SH3GL2: variants seen among roughly 807,000 people sequenced by gnomAD.
SH3GL2 encodes SH3 domain containing GRB2 like 2, endophilin A1.
In SH3GL2, 24 loss-of-function variants were observed where a neutral mutation model predicts 46.0. That is an observed-to-expected ratio of 0.52 (90% CI 0.38 to 0.73). The LOEUF (loss-of-function observed/expected upper bound fraction) is 0.73. SH3GL2 is among the 30% of genes least tolerant of loss of function. The pLI, the probability that SH3GL2 is intolerant of heterozygous loss-of-function variation, is 0.00. For synonymous variants in SH3GL2, 196 were observed against 147.1 expected, an observed-to-expected ratio of 1.33 and a Z score of -2.40; for missense variants, 413 against 424.2, an observed-to-expected ratio of 0.97 and a Z score of 0.23.
At chr9:17,655,678 A>G (rs540616153) in intron 1 of SH3GL2, among the ~76,000 whole-genome samples, 2 of 152,252 alleles carry the variant, frequency 1.3e-5, no homozygotes, top group Admixed American at 6.5e-5. Flanking sequence ...TATTTTTCAC[A>G]TTTTCTGATG....
intron 1 of SH3GL2, among the ~76,000 whole-genome samples, chr9:17,668,502 T>C (rs183584347): frequency 1.3e-5 from 2 of 152,326 alleles, no homozygotes. Flanking sequence ...AGTTTGAATA[T>C]TTGTGTAGCT....
intron 1 of SH3GL2, among the ~76,000 whole-genome samples, chr9:17,582,893 C>G (rs1346158883): frequency 6.6e-6 from 1 of 152,186 alleles, no homozygotes; most frequent in Non-Finnish European, 1.5e-5. Flanking sequence ...TTCATGCTCA[C>G]ATGACATTCT....
At chr9:17,609,432 C>T (rs1322646166) in intron 1 of SH3GL2, among the ~76,000 whole-genome samples, 4 of 151,998 alleles carry the variant, frequency 2.6e-5, no homozygotes, top group East Asian at 1.9e-4. Flanking sequence ...AAATCATATG[C>T]GTGCGTAAGC....
chr9:17,615,658 C>CA (rs55926751), intron 1 of SH3GL2, among the ~76,000 whole-genome samples: 2,023 of 82,496 alleles, frequency 0.025, 151 homozygotes, highest in African/African-American at 0.074. Flanking sequence ...GACTCCGTCT[C>CA]AAAAAAAAAA....
chr9:17,702,074 C>T (rs1218797955), intron 1 of SH3GL2, among the ~76,000 whole-genome samples: 1 of 152,060 alleles, frequency 6.6e-6, no homozygotes, highest in South Asian at 2.1e-4. Flanking sequence ...TAGTGTATTA[C>T]TAGTTCATGA....
intron 3 of SH3GL2, among the ~76,000 whole-genome samples, chr9:17,770,363 C>A (rs1273438548): frequency 1.3e-5 from 2 of 152,152 alleles, no homozygotes; most frequent in African/African-American, 4.8e-5. Flanking sequence ...ATATTACTAT[C>A]TCCAAGGCAC....
chr9:17,750,418 C>G (rs1212291750), intron 2 of SH3GL2, among the ~76,000 whole-genome samples: 1 of 151,974 alleles, frequency 6.6e-6, no homozygotes, highest in Non-Finnish European at 1.5e-5. Context: ...ATCAGCCGCC[C>G]CAGCCACTCT....
chr9:17,710,302 C>T (rs1260983195), intron 1 of SH3GL2, among the ~76,000 whole-genome samples: 1 of 151,962 alleles, frequency 6.6e-6, no homozygotes, highest in Non-Finnish European at 1.5e-5. Flanking sequence ...CTCCCCAGCC[C>T]TGCAGAACTG....
At chr9:17,685,289 C>G (rs117232933) in intron 1 of SH3GL2, among the ~76,000 whole-genome samples, 2,739 of 152,178 alleles carry the variant, frequency 0.018, 37 homozygotes, top group South Asian at 0.032. Context: ...GTGCTGCATT[C>G]TTGAGGCAGT....
chr9:17,794,951 T>C (rs889461703), intron 8 of SH3GL2, among the ~76,000 whole-genome samples: 1 of 152,254 alleles, frequency 6.6e-6, no homozygotes, highest in Non-Finnish European at 1.5e-5. Context: ...CGAAGTACCA[T>C]GTGCAAGGTC....
rs945303407 is a variant in SH3GL2 at position 17,618,993 on chromosome 9, T to C, written c.45+39706T>C. Among the ~76,000 whole-genome samples, 4 of 152,210 alleles carry C rather than the reference T, an allele frequency of 2.6e-5. No homozygotes were observed. The East Asian group carries it at 7.7e-4, about 29-fold the overall frequency. Reference sequence around the variant, plus strand: ...AAATTCCAAAAATGACATAAGATCATTTTGAAAAGTTTAAGTACAAAAAAG... The same window carrying C: ...AAATTCCAAAAATGACATAAGATCACTTTGAAAAGTTTAAGTACAAAAAAG... On this transcript the variant is annotated intron_variant, in intron 1 of 8. Coordinates refer to ENST00000380607, the MANE Select transcript of SH3GL2 (RefSeq NM_003026.5).
intron 1 of SH3GL2, among the ~76,000 whole-genome samples, chr9:17,601,160 C>A (rs891109300): frequency 7.9e-5 from 12 of 152,180 alleles, no homozygotes; most frequent in African/African-American, 2.9e-4. Flanking sequence ...CACGTGGTGG[C>A]TGTGCCTGAC....
Position 17,611,776 on chromosome 9 carries a change from C to T in SH3GL2, c.45+32489C>T, listed in dbSNP as rs571154200. ...AGGAGGAGATTAGAGGTGATCATTG[C>T]CTTGGGCTCTGTCTTCAGTGCCAAC... On this transcript the variant is annotated intron_variant, in intron 1 of 8. Coordinates refer to ENST00000380607, the MANE Select transcript of SH3GL2 (RefSeq NM_003026.5). Among the ~76,000 whole-genome samples, 13 of 152,288 alleles carry T rather than the reference C, an allele frequency of 8.5e-5. No homozygotes were observed. In the East Asian group the frequency reaches 2.3e-3, roughly 27 times the overall value.
chr9:17,766,484 T>C (rs1230170278), intron 3 of SH3GL2, among the ~76,000 whole-genome samples: 1 of 152,192 alleles, frequency 6.6e-6, no homozygotes, highest in Non-Finnish European at 1.5e-5. Context: ...TCTGATGCCT[T>C]ACGGGGGAGC....
chr9:17,791,782 C>T (rs139620682), intron 7 of SH3GL2, among the ~76,000 whole-genome samples: 5 of 152,304 alleles, frequency 3.3e-5, no homozygotes, highest in African/African-American at 9.6e-5. Context: ...GTGGAGTTCA[C>T]AGCCAGCCAT....
intron 1 of SH3GL2, among the ~76,000 whole-genome samples, chr9:17,613,830 A>C (rs905016619): frequency 1.3e-5 from 2 of 152,200 alleles, no homozygotes; most frequent in African/African-American, 4.8e-5. Context: ...TGGTTTTGGC[A>C]ACACAAAAAG....
intron 1 of SH3GL2, among the ~76,000 whole-genome samples, chr9:17,667,881 G>A (rs1454943578): frequency 1.3e-5 from 2 of 152,088 alleles, no homozygotes; most frequent in Non-Finnish European, 2.9e-5. Flanking sequence ...ATTGTGATTT[G>A]ATTTGTGTTT....
chr9:17,579,774 C>G (rs544794328), intron 1 of SH3GL2, among the ~76,000 whole-genome samples: 1 of 152,140 alleles, frequency 6.6e-6, no homozygotes, highest in East Asian at 1.9e-4. Context: ...TCTCCCTTAC[C>G]CTGTTGTCAG....
chr9:17,665,589 T>C (rs1820322723), intron 1 of SH3GL2, among the ~76,000 whole-genome samples: 1 of 152,092 alleles, frequency 6.6e-6, no homozygotes, highest in South Asian at 2.1e-4. Context: ...ACATTTATTC[T>C]GATGCTCAAA....
Sources: allele counts gnomAD v4.1 joint callset (sites outside exome capture counted in the v4.1 genomes callset), GRCh38; gene constraint gnomAD v4.1.1; transcripts MANE v1.5; gene names NCBI Gene and HGNC (gene_info 2026-07-23, HGNC 2026-07-21).